Variants in CSMD1 observed in about 807,000 individuals in gnomAD.
The protein encoded by CSMD1 is CUB and Sushi multiple domains 1.
In CSMD1, 213 loss-of-function variants were observed where a neutral mutation model predicts 417.5. That is an observed-to-expected ratio of 0.51 (90% confidence interval 0.46 to 0.57). The LOEUF (loss-of-function observed/expected upper bound fraction) is 0.57, where lower values mean the gene tolerates loss of function less well. Ranked by LOEUF, CSMD1 falls within the 20% of genes least tolerant of loss-of-function variation. The pLI, the probability that CSMD1 is intolerant of heterozygous loss-of-function variation, is 0.00. For synonymous variants in CSMD1, 2,862 were observed against 1,736.8 expected (o/e 1.65, Z -16.11); for missense variants, 6,923 against 4,529.7 (o/e 1.53, Z -15.17).
At chr8:3,992,550 G>C (rs749264496) in intron 5 of CSMD1, among the ~76,000 whole-genome samples, 67 of 152,202 alleles carry the variant, frequency 4.4e-4, no homozygotes, top group African/African-American at 1.5e-3. Context: ...TTGGGAGGCT[G>C]AGCCAGCAGA....
In CSMD1 at chr8:3,110,151, C is replaced by G. The variant is rs1436253392; in HGVS notation, c.6608+7G>C. 1.3e-6 allele frequency: 2 copies of G among 1,596,526 alleles called. No homozygotes were observed. The highest frequency in any genetic ancestry group is 4.5e-5 in the East Asian group (2 of 44,408). Reference sequence around the variant, plus strand: ...TACAGATATTTTGACTTGAGAGGTTCTCATACCAAACAGCAATGTAATCGT... The same window carrying G: ...TACAGATATTTTGACTTGAGAGGTTGTCATACCAAACAGCAATGTAATCGT... On this transcript the variant is annotated splice_region_variant and intron_variant, in intron 43 of 69. Coordinates refer to ENST00000635120, the MANE Select transcript of CSMD1 (RefSeq NM_033225.6).
intron 25 of CSMD1, among the ~76,000 whole-genome samples, chr8:3,299,689 A>T (rs1002025096): frequency 2.0e-5 from 3 of 152,212 alleles, no homozygotes; most frequent in Non-Finnish European, 4.4e-5. Flanking sequence ...CCGGAAATGC[A>T]GGTGGGAGGT....
At chr8:4,854,842 C>T (rs1801699665) in intron 1 of CSMD1, among the ~76,000 whole-genome samples, 1 of 152,260 alleles carries the variant, frequency 6.6e-6, no homozygotes, top group African/African-American at 2.4e-5. Flanking sequence ...GGGGGAGGGG[C>T]GCCCGCCATT....
chr8:3,504,698 T>A (rs1796750395), intron 10 of CSMD1, among the ~76,000 whole-genome samples: 1 of 152,202 alleles, frequency 6.6e-6, no homozygotes, highest in Non-Finnish European at 1.5e-5. Context: ...TCCCGGCAAA[T>A]TTTATCACCT....
intron 26 of CSMD1, among the ~76,000 whole-genome samples, chr8:3,269,150 C>G (rs963521525): frequency 2.6e-5 from 4 of 152,226 alleles, no homozygotes; most frequent in Admixed American, 1.3e-4. Context: ...ATCAATTCAA[C>G]ACGCATTCTT....
intron 3 of CSMD1, among the ~76,000 whole-genome samples, chr8:4,337,020 C>G (rs192269469): frequency 6.6e-6 from 1 of 152,180 alleles, no homozygotes; most frequent in African/African-American, 2.4e-5. Context: ...CTTACTAAAT[C>G]TGCAATTATA....
At chr8:2,997,765 G>C (rs530634025) in intron 54 of CSMD1, among the ~76,000 whole-genome samples, 11 of 152,314 alleles carry the variant, frequency 7.2e-5, no homozygotes, top group East Asian at 3.9e-4. Context: ...AAGAGAAATA[G>C]AAGATGAGTT....
intron 5 of CSMD1, among the ~76,000 whole-genome samples, chr8:3,812,589 T>G (rs1297195611): frequency 6.6e-6 from 1 of 152,302 alleles, no homozygotes; most frequent in Admixed American, 6.5e-5. Context: ...AAATAAATAC[T>G]TACGCTATAA....
chr8:3,399,191 G>C (rs528503644), intron 16 of CSMD1, among the ~76,000 whole-genome samples, 200 bp downstream of exon 16: 3 of 152,252 alleles, frequency 2.0e-5, no homozygotes, highest in African/African-American at 7.2e-5. Context: ...CTAACCTCCA[G>C]AGCATTGGCT....
chr8:4,769,169 G>T (rs903093481), intron 1 of CSMD1, among the ~76,000 whole-genome samples: 13 of 152,060 alleles, frequency 8.5e-5, no homozygotes, highest in East Asian at 3.9e-4. Flanking sequence ...TTTTAGCTTT[G>T]TAAGATGTGG....
At chr8:3,435,465 A>G (rs1044302307) in intron 12 of CSMD1, among the ~76,000 whole-genome samples, 1 of 151,892 alleles carries the variant, frequency 6.6e-6, no homozygotes. Flanking sequence ...AGACCACCAC[A>G]TTCTGTCCAA....
chr8:3,823,409 G>C (rs1246911291), intron 5 of CSMD1, among the ~76,000 whole-genome samples: 1 of 152,108 alleles, frequency 6.6e-6, no homozygotes, highest in African/African-American at 2.4e-5. Flanking sequence ...CAAGGCAAGG[G>C]ATGATATTTC....
intron 3 of CSMD1, among the ~76,000 whole-genome samples, chr8:4,089,834 C>G (rs552964508): frequency 6.6e-6 from 1 of 152,202 alleles, no homozygotes; most frequent in African/African-American, 2.4e-5. Flanking sequence ...AGAGCTGAGG[C>G]TTCTGGAATG....
chr8:4,654,300 A>T (rs889614459), intron 1 of CSMD1, among the ~76,000 whole-genome samples: 3 of 152,126 alleles, frequency 2.0e-5, no homozygotes, highest in Non-Finnish European at 4.4e-5. Flanking sequence ...TATGGAAAGG[A>T]TATAAATGGT....
intron 1 of CSMD1, among the ~76,000 whole-genome samples, chr8:4,822,910 T>C (rs1014621845): frequency 6.6e-5 from 10 of 152,146 alleles, no homozygotes; most frequent in African/African-American, 2.4e-4. Flanking sequence ...CTGTGTACTT[T>C]CTGTGACTAA....
At chr8:4,687,105 G>C in intron 1 of CSMD1, among the ~76,000 whole-genome samples, 1 of 152,180 alleles carries the variant, frequency 6.6e-6, no homozygotes, top group East Asian at 1.9e-4. Context: ...CTCTGTGGTC[G>C]ATAAAAGCTG....
At position 4,779,086 on chromosome 8, in the gene CSMD1, C is replaced by T. The variant is rs369886162; in HGVS notation, c.86-141528G>A. The stretch of plus-strand genomic sequence containing the variant: ...TACATACAGAATCCTTACGAGAGGC[C>T]GTATCCTCATTTTAAAACTGCTTTT... On this transcript the variant is annotated intron_variant, in intron 1 of 69. Transcript: ENST00000635120. Among the ~76,000 whole-genome samples, 9 of 152,228 alleles carry T rather than the reference C, an allele frequency of 5.9e-5. No individual in the cohort carries two copies. In the East Asian group the frequency reaches 1.2e-3, roughly 20 times the overall value.
At chr8:4,502,769 T>G (rs1235438332) in intron 2 of CSMD1, among the ~76,000 whole-genome samples, 1 of 152,188 alleles carries the variant, frequency 6.6e-6, no homozygotes, top group Non-Finnish European at 1.5e-5. Context: ...AGACAGTACA[T>G]TCCACAAGAG....
intron 1 of CSMD1, among the ~76,000 whole-genome samples, chr8:4,846,246 C>G (rs921141813): frequency 6.6e-6 from 1 of 152,140 alleles, no homozygotes; most frequent in African/African-American, 2.4e-5. Flanking sequence ...ATAGCTCTTA[C>G]TTTCAAATTT....
Sources: gnomAD v4.1 joint callset for allele counts (sites outside exome capture counted in the v4.1 genomes callset) on GRCh38, gnomAD v4.1.1 for gene constraint, MANE v1.5 for transcripts, NCBI Gene and HGNC (gene_info 2026-07-23, HGNC 2026-07-21) for gene names.